The following KCNIP4 variants were observed in gnomAD, a reference collection of about 807,000 sequenced individuals.
KCNIP4 encodes Kv channel-interacting protein 4.
A neutral mutation model predicts 34.0 loss-of-function variants in KCNIP4; 12 were observed. The observed-to-expected ratio is 0.35, with a 90% CI of 0.23 to 0.57. The LOEUF is 0.57. Ranked by LOEUF, KCNIP4 falls within the 20% of genes least tolerant of loss-of-function variation. The probability of loss-of-function intolerance (pLI) is 0.83; values close to 1 mark genes in which losing one functional copy is unlikely to be tolerated. For synonymous variants in KCNIP4, 124 were observed against 102.2 expected, an observed-to-expected ratio of 1.21 and a Z score of -1.29; for missense variants, 238 against 311.7, an observed-to-expected ratio of 0.76 and a Z score of 1.78.
At chr4:21,208,904 C>G (rs962013467) in intron 1 of KCNIP4, among the ~76,000 whole-genome samples, 4 of 152,044 alleles carry the variant, frequency 2.6e-5, no homozygotes, top group African/African-American at 9.7e-5. Context: ...GAAGAGCAAG[C>G]AGGGGAAATG....
intron 1 of KCNIP4, among the ~76,000 whole-genome samples, chr4:21,150,166 T>C (rs772752653): frequency 7.9e-5 from 12 of 152,126 alleles, no homozygotes; most frequent in Non-Finnish European, 1.2e-4. Context: ...CACAGGGCAG[T>C]GTGCAGGGAT....
At chr4:21,047,860 T>C (rs1450676812) in intron 1 of KCNIP4, among the ~76,000 whole-genome samples, 1 of 152,252 alleles carries the variant, frequency 6.6e-6, no homozygotes, top group African/African-American at 2.4e-5. Flanking sequence ...TCATCTTTAC[T>C]CATTCTCCTT....
At chr4:20,844,304 C>T (rs557169339) in intron 3 of KCNIP4, among the ~76,000 whole-genome samples, 1 of 152,158 alleles carries the variant, frequency 6.6e-6, no homozygotes, top group Non-Finnish European at 1.5e-5. Flanking sequence ...GACAGTTCTG[C>T]TAGGGCAAAG....
chr4:21,150,512 C>T (rs1752680791), intron 1 of KCNIP4, among the ~76,000 whole-genome samples: 3 of 152,188 alleles, frequency 2.0e-5, no homozygotes, highest in African/African-American at 7.2e-5. Context: ...AAAGACATTA[C>T]CCCTGTCTTA....
intron 1 of KCNIP4, among the ~76,000 whole-genome samples, chr4:20,996,377 T>A (rs1737555631): frequency 6.6e-6 from 1 of 152,212 alleles, no homozygotes. Context: ...CATTCAAACT[T>A]CTCGCTGTGT....
chr4:20,834,429 TAAAC>T (rs965128808), intron 3 of KCNIP4, among the ~76,000 whole-genome samples: 1 of 152,032 alleles, frequency 6.6e-6, no homozygotes, highest in Admixed American at 6.6e-5. Flanking sequence ...CAGAAAACAA[TAAAC>T]AAATTCATTA....
chr4:21,330,240 C>A (rs937926979), intron 1 of KCNIP4, among the ~76,000 whole-genome samples: 2 of 152,228 alleles, frequency 1.3e-5, no homozygotes, highest in Middle Eastern at 3.4e-3. Context: ...GAGTGAGAAT[C>A]ATTTCTTACA....
intron 1 of KCNIP4, among the ~76,000 whole-genome samples, chr4:20,996,847 C>T (rs371116711): frequency 3.4e-5 from 5 of 148,800 alleles, no homozygotes; most frequent in Admixed American, 2.7e-4. Context: ...GGCCCTTTAC[C>T]GACCTCATTC....
chr4:21,728,472 C>T (rs1391751327), intron 1 of KCNIP4, among the ~76,000 whole-genome samples: 1 of 152,154 alleles, frequency 6.6e-6, no homozygotes, highest in Non-Finnish European at 1.5e-5. Context: ...GTAGCCTCTT[C>T]ACTAGGTGTC....
intron 1 of KCNIP4, among the ~76,000 whole-genome samples, chr4:21,584,156 C>T (rs1391526748): frequency 6.6e-6 from 1 of 152,022 alleles, no homozygotes; most frequent in Non-Finnish European, 1.5e-5. Flanking sequence ...AATCATTACC[C>T]TCATTTTAAT....
intron 1 of KCNIP4, among the ~76,000 whole-genome samples, chr4:21,300,772 T>C (rs1711581159): frequency 2.6e-5 from 4 of 152,166 alleles, no homozygotes; most frequent in African/African-American, 9.7e-5. Context: ...TGTATATCAA[T>C]TCCAAAATAG....
At chr4:21,755,846 G>C (rs1173313318) in intron 1 of KCNIP4, among the ~76,000 whole-genome samples, 1 of 152,158 alleles carries the variant, frequency 6.6e-6, no homozygotes, top group Non-Finnish European at 1.5e-5. Context: ...TACATATTTA[G>C]TTTGTCACAA....
At chr4:20,793,472 A>G (rs1300048004) in intron 3 of KCNIP4, among the ~76,000 whole-genome samples, 1 of 152,088 alleles carries the variant, frequency 6.6e-6, no homozygotes, top group Non-Finnish European at 1.5e-5. Context: ...TATTATTTTG[A>G]TTGTATTGAT....
intron 1 of KCNIP4, among the ~76,000 whole-genome samples, chr4:21,469,993 C>T (rs1006425295): frequency 1.3e-5 from 2 of 152,114 alleles, no homozygotes; most frequent in Non-Finnish European, 2.9e-5. Context: ...GTTAACTACG[C>T]CACAATTGTG....
chr4:21,353,259 C>G (rs111310675), intron 1 of KCNIP4, among the ~76,000 whole-genome samples: 15,002 of 152,132 alleles, frequency 0.099, 824 homozygotes, highest in South Asian at 0.16. Context: ...ATCGCAGCTC[C>G]TCACCTGTAA....
At chr4:21,479,872 T>C (rs11930853) in intron 1 of KCNIP4, among the ~76,000 whole-genome samples, 1,864 of 151,822 alleles carry the variant, frequency 0.012, 40 homozygotes, top group African/African-American at 0.043. Flanking sequence ...AAATTATCAA[T>C]AACAAAAATG....
intron 1 of KCNIP4, among the ~76,000 whole-genome samples, chr4:21,942,067 C>T (rs1730233227): frequency 6.6e-6 from 1 of 152,180 alleles, no homozygotes; most frequent in South Asian, 2.1e-4. Context: ...AGCCTTGACA[C>T]ACTTTTCACT....
intron 1 of KCNIP4, among the ~76,000 whole-genome samples, chr4:21,699,405 C>T (rs1379303924): frequency 1.3e-5 from 2 of 152,106 alleles, no homozygotes; most frequent in East Asian, 3.9e-4. Flanking sequence ...ATCAGGTTAT[C>T]AAATAATAAA....
chr4:21,493,642 A>G (rs1268951811), intron 1 of KCNIP4, among the ~76,000 whole-genome samples: 1 of 152,134 alleles, frequency 6.6e-6, no homozygotes, highest in Non-Finnish European at 1.5e-5. Context: ...CTTTCTCTCC[A>G]TCTAGCAGAC....
Sources: allele counts gnomAD v4.1 joint callset (sites outside exome capture counted in the v4.1 genomes callset), GRCh38; gene constraint gnomAD v4.1.1; transcripts MANE v1.5; gene names NCBI Gene and HGNC (gene_info 2026-07-23, HGNC 2026-07-21).